Variants in DAZAP1 observed in about 807,000 individuals in gnomAD.
The protein encoded by DAZAP1 is DAZ associated protein 1, also known as DAZ-associated protein 1.
A neutral mutation model predicts 60.1 loss-of-function variants in DAZAP1; 6 were observed. That is an observed-to-expected ratio of 0.10 (90% CI 0.05 to 0.20). DAZAP1 has a LOEUF of 0.20. Among genes scored for constraint, DAZAP1 ranks in the 10% least tolerant of loss-of-function variants. DAZAP1 has a pLI of 1.00. For missense variants in DAZAP1, 366 were observed against 560.4 expected, an observed-to-expected ratio of 0.65 and a Z score of 3.50; for synonymous variants, 235 against 215.9, an observed-to-expected ratio of 1.09 and a Z score of -0.78.
rs113664227 is a variant in DAZAP1 at position 1,417,309 on chromosome 19, C to T, written c.30-191C>T. On this transcript the variant is annotated intron_variant, in intron 1 of 11. Transcript: ENST00000233078. ...TCCCCATGGCAAGGATTGGGATCATCTTTCATGTCTGCAGACAGCATGGGC... is the reference window on the plus strand; with the variant it reads ...TCCCCATGGCAAGGATTGGGATCATTTTTCATGTCTGCAGACAGCATGGGC... 7.5e-5 allele frequency: 50 copies of T among 667,390 alleles called. 1 individual carries two copies. Among genetic ancestry groups the T allele is most frequent in the African/African-American group, 6.2e-4 (34 of 54,700 alleles). 41.3% of individuals were successfully genotyped at this position (667,390 alleles called of 1,614,324 possible). A position where few individuals can be genotyped will look rare whatever the true frequency, so the allele number is the denominator to read the frequency against.
rs566211949 is a variant in DAZAP1, at chr19:1,422,341, C to A, written c.415-7C>A. 4.3e-6 allele frequency: 7 copies of A among 1,614,044 alleles called. No homozygotes were observed. The highest frequency in any genetic ancestry group is 5.9e-6 in the Non-Finnish European group (7 of 1,179,946). ...GTGTCCGTGCTGACGCCACCCTCTC[C>A]TTCCAGGTCACGGAGGTAGTCATGA... On this transcript the variant is annotated splice_polypyrimidine_tract_variant and splice_region_variant and intron_variant, in intron 5 of 11. Coordinates refer to ENST00000233078, the MANE Select transcript of DAZAP1 (RefSeq NM_018959.4). The surrounding 1 kb of genome is among the most constrained non-coding windows in gnomAD (Gnocchi z 4.5).
At position 1,432,341 on chromosome 19, in the gene DAZAP1, C is replaced by T. The variant is rs534288538; in HGVS notation, c.872-173C>T. The T allele has an allele frequency of 3.5e-4, 245 of 704,348 alleles. 2 individuals carry two copies. The highest frequency in any genetic ancestry group is 5.4e-4 in the Non-Finnish European group (218 of 402,818). The allele number at this position is 704,348 out of a possible 1,614,324, so 43.6% of individuals were successfully genotyped here. A position where few individuals can be genotyped will look rare whatever the true frequency, so the allele number is the denominator to read the frequency against. The stretch of plus-strand genomic sequence containing the variant: ...TGTGTGTTTCCTGGGGGGAGCGGCC[C>T]GGGACCGTGGCTCTGTGGTCCATTC... On this transcript the variant is annotated intron_variant, in intron 10 of 11. Coordinates refer to ENST00000233078, the MANE Select transcript of DAZAP1 (RefSeq NM_018959.4). This position sits in a 1 kb window ranked among gnomAD's most constrained non-coding sequence, Gnocchi z 4.9.
In DAZAP1 at chr19:1,418,450, C is replaced by T. The variant is rs2083051350; in HGVS notation, c.237+80C>T. 1 of 1,551,436 alleles carries T rather than the reference C, an allele frequency of 6.4e-7. No homozygotes were observed. The highest frequency in any genetic ancestry group is 1.4e-5 in the African/African-American group (1 of 73,528). ...TGCTTCATTTTTTCCTGGACTCTGA[C>T]CGATGTTTGCGTTAGAGTATGTTTG... On this transcript the variant is annotated intron_variant, in intron 3 of 11. Transcript: ENST00000233078. The surrounding 1 kb of genome is among the most constrained non-coding windows in gnomAD (Gnocchi z 5.7).
Position 1,421,137 on chromosome 19 carries a change from T to G in DAZAP1, c.304-11T>G. 6.2e-7 allele frequency: 1 copy of G among 1,613,504 alleles called. No homozygotes were observed. The highest frequency in any genetic ancestry group is 1.3e-5 in the African/African-American group (1 of 75,054). On this transcript the variant is annotated splice_polypyrimidine_tract_variant and intron_variant, in intron 4 of 11. Transcript: ENST00000233078. ...CCCGTGTGAACTAACTATCCTTCCCTTCTTCAACAGCAGAAAGGACCCAGG... is the reference window on the plus strand; with the variant it reads ...CCCGTGTGAACTAACTATCCTTCCCGTCTTCAACAGCAGAAAGGACCCAGG...
chr19:1,432,761 T>G lies in DAZAP1; in HGVS notation c.1048+71T>G. The stretch of plus-strand genomic sequence containing the variant: ...CTGGGCACGGCCTGCCTTCTTCTGC[T>G]TCCTCCCCTGCTGGACGCTCCCCAG... On this transcript the variant is annotated intron_variant, in intron 11 of 11. Coordinates refer to ENST00000233078, the MANE Select transcript of DAZAP1 (RefSeq NM_018959.4). The surrounding 1 kb of genome is among the most constrained non-coding windows in gnomAD (Gnocchi z 4.9). The G allele has an allele frequency of 6.8e-7, 1 of 1,475,370 alleles. No individual in the cohort carries two copies. The highest frequency in any genetic ancestry group is 9.2e-7 in the Non-Finnish European group (1 of 1,091,288). 91.4% of individuals were successfully genotyped at this position (1,475,370 alleles called of 1,614,324 possible).
At chr19:1,407,865 C>T (rs2082709088) in intron 1 of DAZAP1, 63 bp downstream of exon 1, 1 of 1,048,872 alleles carries the variant, frequency 9.5e-7, no homozygotes, top group South Asian at 4.4e-5. Flanking sequence ...TCCCCGCCGC[C>T]CGGCCTCAGA....
At position 1,433,451 on chromosome 19, in the gene DAZAP1, C is replaced by T. The variant is rs909512252; in HGVS notation, c.1048+761C>T. The T allele has an allele frequency of 6.7e-6, 3 of 450,682 alleles. No individual in the cohort carries two copies. The highest frequency in any genetic ancestry group is 2.0e-5 in the African/African-American group (1 of 49,726). 27.9% of individuals were successfully genotyped at this position (450,682 alleles called of 1,614,324 possible). A position where few individuals can be genotyped will look rare whatever the true frequency, so the allele number is the denominator to read the frequency against. ...AGGTGGCCACGGGCTTCCGGGGTGC[C>T]TGTGAACACGCTTCCTCTAGGCCTG... On this transcript the variant is annotated intron_variant, in intron 11 of 11. Transcript: ENST00000233078. The surrounding 1 kb of genome is among the most constrained non-coding windows in gnomAD (Gnocchi z 6.1).
chr19:1,419,797 AAACCATCCC>A (rs1482559048), intron 4 of DAZAP1, among the ~76,000 whole-genome samples: 11 of 150,850 alleles, frequency 7.3e-5, no homozygotes, highest in Non-Finnish European at 1.2e-4. Context: ...CACACTCATG[AAACCATCCC>A]AACCGTCACG....
chr19:1,425,791 TC>T lies in DAZAP1; in HGVS notation c.464-84del. On this transcript the variant is annotated intron_variant, in intron 6 of 11. Transcript: ENST00000233078. This position sits in a 1 kb window ranked among gnomAD's most constrained non-coding sequence, Gnocchi z 5.4. ...CAGCTTAGCTGAAACCCAAGGTCGA[TC>T]CCTCGGCCCGTCCCTAATACTGTTC... 1 of 966,960 alleles carries T rather than the reference TC, an allele frequency of 1.0e-6. No homozygotes were observed. Among genetic ancestry groups the T allele is most frequent in the Non-Finnish European group, 1.7e-6 (1 of 592,496 alleles). The allele number at this position is 966,960 out of a possible 1,614,324, so 59.9% of individuals were successfully genotyped here.
chr19:1,408,539 C>T (rs947069163), intron 1 of DAZAP1, among the ~76,000 whole-genome samples: 1 of 152,234 alleles, frequency 6.6e-6, no homozygotes, highest in African/African-American at 2.4e-5. Flanking sequence ...CCCATCCCAC[C>T]CCCCCAAAGT....
intron 1 of DAZAP1, among the ~76,000 whole-genome samples, chr19:1,409,406 A>C (rs1452961935): frequency 6.6e-6 from 1 of 152,280 alleles, no homozygotes; most frequent in East Asian, 1.9e-4. Context: ...CCCTGCATGG[A>C]CACCCTTGGG....
chr19:1,407,928 G>C, intron 1 of DAZAP1, 126 bp downstream of exon 1: 2 of 876,236 alleles, frequency 2.3e-6, no homozygotes, highest in Middle Eastern at 5.5e-4. Context: ...GGGCGGACTC[G>C]GGACCCGGAC....
At chr19:1,410,727 C>A (rs927806547) in intron 1 of DAZAP1, among the ~76,000 whole-genome samples, 5 of 152,224 alleles carry the variant, frequency 3.3e-5, no homozygotes, top group African/African-American at 1.2e-4. Flanking sequence ...GAGGGGTCAC[C>A]TCGAGCGCCC....
In DAZAP1 at chr19:1,425,042, T is replaced by C. The variant is rs2083272715; in HGVS notation, c.464-836T>C. Among the ~76,000 whole-genome samples, 1 of 152,204 alleles carries C rather than the reference T, an allele frequency of 6.6e-6. No individual in the cohort carries two copies. The highest frequency in any genetic ancestry group is 1.5e-5 in the Non-Finnish European group (1 of 68,038). On this transcript the variant is annotated intron_variant, in intron 6 of 11. Transcript: ENST00000233078. The surrounding 1 kb of genome is among the most constrained non-coding windows in gnomAD (Gnocchi z 5.4). ...TGTGTTTGGGAAATGCTAAATTTTT[T>C]TTGCCTTTAAAATTTTCTGTTTTGA...
chr19:1,429,543 C>T (rs556638950), intron 8 of DAZAP1, among the ~76,000 whole-genome samples: 10 of 151,084 alleles, frequency 6.6e-5, no homozygotes, highest in South Asian at 2.1e-4. Flanking sequence ...AGATGTACGT[C>T]GTCCGGGTCC....
Position 1,421,161 on chromosome 19 carries a change from G to C in DAZAP1, c.317G>C (p.Arg106Thr). 6.2e-7 allele frequency: 1 copy of C among 1,614,186 alleles called. No homozygotes were observed. Among genetic ancestry groups the C allele is most frequent in the Non-Finnish European group, 8.5e-7 (1 of 1,179,998 alleles). ...CTTCTTCAACAGCAGAAAGGACCCA[G>C]GAGCGATAACAGTAAATCAAATAAG... ...RPKEGWQKGP[R>T]SDNSKSNKIF... is the part of the protein sequence containing the mutation. Residue 106 changes from arginine (R) to threonine (T), a missense_variant, in exon 5 of 12, where the codon AGG becomes ACG. Arg to Thr is a moderately conservative substitution (Grantham distance 71). This residue lies in a region of DAZAP1 where 98 missense variants were observed against 155.3 expected (regional missense o/e 0.63). Coordinates refer to ENST00000233078, the MANE Select transcript of DAZAP1 (RefSeq NM_018959.4).
rs201315845 is a variant in DAZAP1 at position 1,418,400 on chromosome 19, C to T, written c.237+30C>T. 2,645 of 1,606,076 alleles carry T rather than the reference C, an allele frequency of 1.6e-3. 8 individuals are homozygous for T. Among genetic ancestry groups the T allele is most frequent in the Non-Finnish European group, 2.1e-3 (2,471 of 1,174,398 alleles). ...GTGCCCTTCCGGGAGCTCACACCCG[C>T]TCTCTGTCTCCCCTGTCCTTCCTCT... On this transcript the variant is annotated intron_variant, in intron 3 of 11. Transcript: ENST00000233078. This position sits in a 1 kb window ranked among gnomAD's most constrained non-coding sequence, Gnocchi z 5.7.
intron 8 of DAZAP1, among the ~76,000 whole-genome samples, chr19:1,429,243 C>A (rs1455525657): frequency 6.6e-6 from 1 of 152,242 alleles, no homozygotes; most frequent in South Asian, 2.1e-4. Flanking sequence ...TCATTGTCAC[C>A]GGGAAGAGCT....
At chr19:1,413,988 A>AGTGTGTGTGTGT (rs1156764751) in intron 1 of DAZAP1, among the ~76,000 whole-genome samples, 1 of 95,800 alleles carries the variant, frequency 1.0e-5, no homozygotes, top group Admixed American at 1.0e-4. Context: ...CCCCCAGTGA[A>AGTGTGTGTGTGT]CTGTGTGTGT....
Sources: allele counts gnomAD v4.1 joint callset (sites outside exome capture counted in the v4.1 genomes callset), GRCh38; gene constraint gnomAD v4.1.1; regional missense constraint gnomAD v4.1.1; non-coding constraint Gnocchi (gnomAD v3.1); transcripts MANE v1.5; gene names NCBI Gene and HGNC (gene_info 2026-07-23, HGNC 2026-07-21).